The following PARD3B variants were observed in gnomAD, a reference collection of about 807,000 sequenced individuals.
PARD3B encodes par-3 family cell polarity regulator beta.
A neutral mutation model predicts 130.2 loss-of-function variants in PARD3B; 103 were observed. The ratio of observed to expected loss-of-function variants is 0.79; its 90% confidence interval spans 0.67 to 0.93. PARD3B has a LOEUF of 0.93. PARD3B is among the 40% of genes least tolerant of loss of function. The pLI is 0.00. For synonymous variants in PARD3B, 583 were observed against 553.2 expected (o/e 1.05, Z -0.76); for missense variants, 1,609 against 1,499.2 (o/e 1.07, Z -1.21).
At chr2:204,674,254 G>A (rs2036432573) in intron 1 of PARD3B, among the ~76,000 whole-genome samples, 1 of 152,132 alleles carries the variant, frequency 6.6e-6, no homozygotes, top group Non-Finnish European at 1.5e-5. Flanking sequence ...TACTTCCAGG[G>A]AATCAGCGTT....
At chr2:204,848,204 T>C (rs369657325) in intron 2 of PARD3B, among the ~76,000 whole-genome samples, 1 of 152,164 alleles carries the variant, frequency 6.6e-6, no homozygotes, top group Non-Finnish European at 1.5e-5. Context: ...ATAAACATAG[T>C]ATATATAGGA....
chr2:204,885,137 T>A (rs907953173), intron 2 of PARD3B, among the ~76,000 whole-genome samples: 6 of 152,184 alleles, frequency 3.9e-5, no homozygotes, highest in Non-Finnish European at 8.8e-5. Context: ...CTTGCCAGCA[T>A]CTGTTGTTTC....
rs2039332683 is a variant in PARD3B at position 205,241,097 on chromosome 2, G to T, written c.2141-4681G>T. 2.0e-5 allele frequency among the ~76,000 whole-genome samples: 3 copies of T among 152,106 alleles called. No individual in the cohort carries two copies. Among genetic ancestry groups the T allele is most frequent in the African/African-American group, 7.2e-5 (3 of 41,420 alleles). On this transcript the variant is annotated intron_variant, in intron 15 of 22. Coordinates refer to ENST00000406610, the MANE Select transcript of PARD3B (RefSeq NM_001302769.2). The surrounding 1 kb of genome is among the most constrained non-coding windows in gnomAD (Gnocchi z 4.2). ...TTTAAAAAGATGCCATTGATGCTGG[G>T]CAGTTCTAATTAGCTTCAAAGGCTT...
intron 2 of PARD3B, among the ~76,000 whole-genome samples, chr2:204,822,410 C>T (rs1012354728): frequency 6.6e-6 from 1 of 152,128 alleles, no homozygotes; most frequent in Non-Finnish European, 1.5e-5. Flanking sequence ...GTTGAAATGA[C>T]AACGCAGGAT....
At chr2:204,927,895 G>T (rs1222485695) in intron 2 of PARD3B, among the ~76,000 whole-genome samples, 2 of 152,100 alleles carry the variant, frequency 1.3e-5, no homozygotes, top group Non-Finnish European at 2.9e-5. Flanking sequence ...GATAATATAT[G>T]TATACTTTGT....
intron 1 of PARD3B, among the ~76,000 whole-genome samples, chr2:204,552,003 T>C (rs1407254397): frequency 6.6e-6 from 1 of 152,202 alleles, no homozygotes; most frequent in African/African-American, 2.4e-5. Flanking sequence ...TGTTAAGTAG[T>C]TGAAATGTGC....
At chr2:205,199,041 A>G (rs2036847129) in intron 15 of PARD3B, among the ~76,000 whole-genome samples, 1 of 152,164 alleles carries the variant, frequency 6.6e-6, no homozygotes, top group South Asian at 2.1e-4. Context: ...GTCTATTTGT[A>G]TAATAGACAA....
chr2:204,764,711 C>CGTGTGTGTGTGTGTGT (rs1559126727), intron 2 of PARD3B, among the ~76,000 whole-genome samples: 1 of 41,754 alleles, frequency 2.4e-5, no homozygotes, highest in African/African-American at 8.0e-5. Flanking sequence ...ATCTGGCATG[C>CGTGTGTGTGTGTGTGT]ATGCGTGTGT....
chr2:205,141,469 G>A (rs1458251952), intron 10 of PARD3B, among the ~76,000 whole-genome samples: 1 of 152,142 alleles, frequency 6.6e-6, no homozygotes, highest in Non-Finnish European at 1.5e-5. Flanking sequence ...AATTTGAACA[G>A]GGTAGTTGCC....
At chr2:204,861,162 TTCTCTCTC>T (rs60740602) in intron 2 of PARD3B, among the ~76,000 whole-genome samples, 5,421 of 91,194 alleles carry the variant, frequency 0.059, 161 homozygotes, top group African/African-American at 0.093. Context: ...CCTAATACCT[TTCTCTCTC>T]TCTCTCTCTC....
At chr2:205,302,073 T>TTC (rs2042029069) in intron 18 of PARD3B, among the ~76,000 whole-genome samples, 2 of 129,676 alleles carry the variant, frequency 1.5e-5, no homozygotes, top group African/African-American at 5.7e-5. Context: ...TTCTTTTTTT[T>TTC]TTTTTTTTTT....
chr2:205,588,451 AAC>A (rs1575431531), intron 22 of PARD3B, among the ~76,000 whole-genome samples: 2 of 152,160 alleles, frequency 1.3e-5, no homozygotes, highest in East Asian at 3.9e-4. Flanking sequence ...ATTTTTATCA[AAC>A]ATGAGTGATT....
intron 20 of PARD3B, among the ~76,000 whole-genome samples, chr2:205,457,832 C>T (rs1347417359): frequency 6.6e-6 from 1 of 152,078 alleles, no homozygotes; most frequent in Non-Finnish European, 1.5e-5. Flanking sequence ...AATCCATAAT[C>T]CTAAATTTTC....
intron 2 of PARD3B, among the ~76,000 whole-genome samples, chr2:204,713,616 A>G (rs779463427): frequency 6.6e-6 from 1 of 151,872 alleles, no homozygotes; most frequent in Non-Finnish European, 1.5e-5. Flanking sequence ...GTGTCTTTGA[A>G]TTTGGCTATT....
chr2:204,953,432 G>C (rs1306481223), intron 2 of PARD3B, among the ~76,000 whole-genome samples: 43 of 103,438 alleles, frequency 4.2e-4, no homozygotes, highest in African/African-American at 9.8e-4. Flanking sequence ...GAGAGAGAGA[G>C]AGAGAGAGAG....
At chr2:205,101,890 G>A (rs1702811701) in intron 4 of PARD3B, among the ~76,000 whole-genome samples, 1 of 152,138 alleles carries the variant, frequency 6.6e-6, no homozygotes, top group Admixed American at 6.6e-5. Context: ...AGGAATGACT[G>A]CTAATGGAGT....
intron 15 of PARD3B, among the ~76,000 whole-genome samples, chr2:205,194,955 T>TTC (rs2036594867): frequency 7.2e-6 from 1 of 139,554 alleles, no homozygotes; most frequent in South Asian, 2.3e-4. Context: ...GGCTAATTTT[T>TTC]TTTTTTTTTT....
At chr2:204,793,627 C>A (rs1383091370) in intron 2 of PARD3B, among the ~76,000 whole-genome samples, 1 of 152,068 alleles carries the variant, frequency 6.6e-6, no homozygotes, top group Non-Finnish European at 1.5e-5. Flanking sequence ...CCTGCCTCAG[C>A]CTCTGGAGTA....
chr2:204,838,180 GTTATTA>G (rs200982356), intron 2 of PARD3B, among the ~76,000 whole-genome samples: 1 of 138,696 alleles, frequency 7.2e-6, no homozygotes, highest in East Asian at 1.9e-4. Context: ...TTTTGTTTTC[GTTATTA>G]TTATTATTAT....
Sources: gnomAD v4.1 joint callset for allele counts (sites outside exome capture counted in the v4.1 genomes callset) on GRCh38, gnomAD v4.1.1 for gene constraint, Gnocchi (gnomAD v3.1) non-coding constraint, MANE v1.5 for transcripts, NCBI Gene and HGNC (gene_info 2026-07-23, HGNC 2026-07-21) for gene names.